The following ANKS1B variants were observed in gnomAD, a reference collection of about 807,000 sequenced individuals.
ANKS1B encodes ankyrin repeat and sterile alpha motif domain-containing protein 1B.
ANKS1B carries 36 observed loss-of-function variants against 148.3 expected under a neutral mutation model. The ratio of observed to expected loss-of-function variants is 0.24; its 90% CI spans 0.19 to 0.32. The LOEUF is 0.32. Among genes scored for constraint, ANKS1B ranks in the 10% least tolerant of loss-of-function variants. The pLI is 1.00. For missense variants in ANKS1B, 1,157 were observed against 1,542.6 expected (o/e 0.75, Z 4.19); for synonymous variants, 542 against 560.8 (o/e 0.97, Z 0.47).
chr12:99,968,867 C>T (rs753081968), intron 1 of ANKS1B, among the ~76,000 whole-genome samples: 20 of 152,096 alleles, frequency 1.3e-4, no homozygotes, highest in Non-Finnish European at 2.2e-4. Flanking sequence ...CTCTCTCTTG[C>T]CCCTGGTCTC....
At chr12:98,944,694 A>C (rs1381211712) in intron 17 of ANKS1B, among the ~76,000 whole-genome samples, 1 of 152,210 alleles carries the variant, frequency 6.6e-6, no homozygotes, top group Non-Finnish European at 1.5e-5. Flanking sequence ...AAATATCCTA[A>C]GATGCAAACA....
intron 15 of ANKS1B, among the ~76,000 whole-genome samples, chr12:99,127,664 G>C (rs2064815032): frequency 6.6e-6 from 1 of 152,108 alleles, no homozygotes; most frequent in Admixed American, 6.5e-5. Flanking sequence ...CTGCACCAAG[G>C]GCCGTGTAGT....
At chr12:99,361,064 T>TAGGGTGACTAC (rs1379161013) in intron 12 of ANKS1B, among the ~76,000 whole-genome samples, 16 of 152,038 alleles carry the variant, frequency 1.1e-4, no homozygotes, top group African/African-American at 1.7e-4. Context: ...AGGGTGACTA[T>TAGGGTGACTAC]AGGGTGACTA....
chr12:99,074,585 T>C (rs986881745), intron 16 of ANKS1B, among the ~76,000 whole-genome samples: 4 of 152,168 alleles, frequency 2.6e-5, no homozygotes, highest in African/African-American at 9.7e-5. Flanking sequence ...CCATTCCTTC[T>C]CTCGATGTGA....
intron 1 of ANKS1B, among the ~76,000 whole-genome samples, chr12:99,859,213 A>T (rs571069884): frequency 6.6e-6 from 1 of 152,346 alleles, no homozygotes; most frequent in African/African-American, 2.4e-5. Flanking sequence ...GTCACATTTA[A>T]TCAGTTAGTC....
At chr12:99,453,831 A>G (rs1444422551) in intron 10 of ANKS1B, among the ~76,000 whole-genome samples, 1 of 152,236 alleles carries the variant, frequency 6.6e-6, no homozygotes, top group Admixed American at 6.5e-5. Context: ...GAAAACATAG[A>G]AGGGCAAATA....
chr12:99,367,407 G>T (rs2092828847), intron 12 of ANKS1B, among the ~76,000 whole-genome samples: 1 of 152,176 alleles, frequency 6.6e-6, no homozygotes, highest in Non-Finnish European at 1.5e-5. Flanking sequence ...TTTGAAAGAA[G>T]TCTGTGAGCT....
intron 12 of ANKS1B, among the ~76,000 whole-genome samples, chr12:99,380,745 TTTCCTTTCCTCCTTCCTTCC>T (rs1202679937): frequency 1.4e-5 from 2 of 142,934 alleles, no homozygotes; most frequent in African/African-American, 2.7e-5. Flanking sequence ...TGTTGATCAG[TTTCCTTTCCTCCTTCCTTCC>T]TTCCTTCCTT....
intron 12 of ANKS1B, among the ~76,000 whole-genome samples, chr12:99,373,800 A>G (rs899061767): frequency 1.3e-5 from 2 of 152,330 alleles, no homozygotes; most frequent in African/African-American, 4.8e-5. Context: ...AAAGTGAGAA[A>G]GAAAACTACC....
chr12:99,899,913 C>T (rs11110102), intron 1 of ANKS1B, among the ~76,000 whole-genome samples: 15,259 of 107,268 alleles, frequency 0.14, 873 homozygotes, highest in African/African-American at 0.17. Flanking sequence ...TTTTTTTTTT[C>T]TTTTAGATGG....
At chr12:99,352,868 G>C (rs141559085) in intron 12 of ANKS1B, among the ~76,000 whole-genome samples, 1,855 of 152,096 alleles carry the variant, frequency 0.012, 41 homozygotes, top group African/African-American at 0.042. Context: ...AAGTAGTCGA[G>C]TTATAGAGTC....
At chr12:99,036,800 T>C (rs2099955834) in intron 17 of ANKS1B, among the ~76,000 whole-genome samples, 1 of 152,194 alleles carries the variant, frequency 6.6e-6, no homozygotes, top group Non-Finnish European at 1.5e-5. Context: ...GTTACTGCAA[T>C]ATATGAAAAA....
intron 1 of ANKS1B, among the ~76,000 whole-genome samples, chr12:99,847,097 T>C (rs1235213270): frequency 1.3e-5 from 2 of 151,490 alleles, no homozygotes; most frequent in Non-Finnish European, 2.9e-5. Flanking sequence ...AAGGTCTCTC[T>C]CTTTTTTCTT....
At chr12:99,703,842 T>G (rs1787992981) in intron 8 of ANKS1B, among the ~76,000 whole-genome samples, 5 of 152,144 alleles carry the variant, frequency 3.3e-5, no homozygotes, top group Admixed American at 1.3e-4. Context: ...CATAAACGTT[T>G]GATAAATCGA....
intron 14 of ANKS1B, among the ~76,000 whole-genome samples, chr12:99,174,840 GAACT>G (rs547255930): frequency 2.1e-4 from 32 of 151,990 alleles, no homozygotes; most frequent in Non-Finnish European, 4.4e-4. Context: ...TTTGAGTTAT[GAACT>G]AATATACTAC....
At chr12:99,638,363 G>A (rs1195002163) in intron 9 of ANKS1B, among the ~76,000 whole-genome samples, 1 of 152,156 alleles carries the variant, frequency 6.6e-6, no homozygotes, top group Non-Finnish European at 1.5e-5. Context: ...TCAAAATGTT[G>A]ATAGTGATGG....
chr12:99,064,356 A>T (rs2043374064), intron 16 of ANKS1B, among the ~76,000 whole-genome samples: 1 of 152,228 alleles, frequency 6.6e-6, no homozygotes, highest in African/African-American at 2.4e-5. Flanking sequence ...GAAGCAATGG[A>T]CAGCAATGAA....
intron 17 of ANKS1B, among the ~76,000 whole-genome samples, chr12:98,966,831 T>C (rs1379776216): frequency 1.4e-4 from 19 of 136,922 alleles, no homozygotes; most frequent in African/African-American, 3.1e-4. Flanking sequence ...CAGGTGGGAA[T>C]TGAACAATGA....
intron 17 of ANKS1B, among the ~76,000 whole-genome samples, chr12:98,920,807 T>G (rs1007584868): frequency 1.3e-5 from 2 of 152,236 alleles, no homozygotes; most frequent in Non-Finnish European, 2.9e-5. Flanking sequence ...CCTTAGAGTT[T>G]TATCTTTAAA....
Sources: allele counts gnomAD v4.1 joint callset (sites outside exome capture counted in the v4.1 genomes callset), GRCh38; gene constraint gnomAD v4.1.1; transcripts MANE v1.5; gene names NCBI Gene and HGNC (gene_info 2026-07-23, HGNC 2026-07-21).